Variants in SATB2 observed in about 807,000 individuals in gnomAD.
The protein encoded by SATB2 is DNA-binding protein SATB2.
A neutral mutation model predicts 73.4 loss-of-function variants in SATB2; 1 was observed. The observed-to-expected ratio is 0.01, with a 90% CI of 0.00 to 0.06. SATB2 has a LOEUF of 0.06. Among genes scored for constraint, SATB2 ranks in the 10% least tolerant of loss-of-function variants. The pLI is 1.00. For missense variants in SATB2, 459 were observed against 945.8 expected (o/e 0.49, Z 6.75); for synonymous variants, 397 against 367.0 (o/e 1.08, Z -0.93).
At chr2:199,448,431 G>C (rs1265166960) in intron 2 of SATB2, among the ~76,000 whole-genome samples, 1 of 151,968 alleles carries the variant, frequency 6.6e-6, no homozygotes, top group Non-Finnish European at 1.5e-5. Flanking sequence ...ATCACAATCA[G>C]TTATGAAAGA....
intron 3 of SATB2, among the ~76,000 whole-genome samples, chr2:199,425,421 T>C (rs1249576580): frequency 6.6e-6 from 1 of 152,202 alleles, no homozygotes; most frequent in Non-Finnish European, 1.5e-5. Context: ...GCTAAATACT[T>C]TCCTCATCAT....
upstream of SATB2, among the ~76,000 whole-genome samples, chr2:199,460,193 C>T (rs1692443445): frequency 6.6e-6 from 1 of 152,058 alleles, no homozygotes; most frequent in African/African-American, 2.4e-5. The surrounding 1 kb of genome is among the most constrained non-coding windows in gnomAD (Gnocchi z 4.0). Flanking sequence ...GGAGAAAATG[C>T]ACAGTTCGAA....
chr2:199,456,704 G>A (rs973987853), intron 1 of SATB2, among the ~76,000 whole-genome samples: 8 of 152,180 alleles, frequency 5.3e-5, no homozygotes, highest in African/African-American at 1.9e-4. Context: ...AAAACACTTG[G>A]AGGTATTTAT....
intron 6 of SATB2, among the ~76,000 whole-genome samples, chr2:199,360,932 T>A (rs1227811320): frequency 6.6e-6 from 1 of 152,012 alleles, no homozygotes; most frequent in Non-Finnish European, 1.5e-5. Flanking sequence ...ACTGCACCCT[T>A]GATAACACTT....
chr2:199,321,774 A>T (rs528965442), intron 9 of SATB2, among the ~76,000 whole-genome samples: 59 of 148,796 alleles, frequency 4.0e-4, no homozygotes, highest in Middle Eastern at 3.4e-3. Context: ...TATCATTTTT[A>T]AAAAAAAAAC....
chr2:199,466,150 C>T (rs892451954), upstream of SATB2, among the ~76,000 whole-genome samples: 4 of 152,188 alleles, frequency 2.6e-5, no homozygotes, highest in Admixed American at 2.6e-4. Flanking sequence ...GAGACAGACC[C>T]GGCCCTTTGC....
upstream of SATB2, among the ~76,000 whole-genome samples, chr2:199,461,448 C>T (rs1048663767): frequency 1.3e-5 from 2 of 151,962 alleles, no homozygotes; most frequent in African/African-American, 4.8e-5. Context: ...GTTTTGTATC[C>T]CTCAAAAGGT....
At chr2:199,273,729 T>A (rs1692228308) in intron 10 of SATB2, among the ~76,000 whole-genome samples, 1 of 152,192 alleles carries the variant, frequency 6.6e-6, no homozygotes, top group Non-Finnish European at 1.5e-5. Flanking sequence ...ATTTCTGGGT[T>A]TTTTTTCTCC....
intron 10 of SATB2, among the ~76,000 whole-genome samples, chr2:199,277,479 T>G (rs1692351895): frequency 6.6e-6 from 1 of 152,256 alleles, no homozygotes; most frequent in Non-Finnish European, 1.5e-5. Flanking sequence ...CTTTTTACTC[T>G]TGATCTTTGC....
At chr2:199,330,731 T>G (rs1412547241) in intron 7 of SATB2, among the ~76,000 whole-genome samples, 1 of 152,220 alleles carries the variant, frequency 6.6e-6, no homozygotes, top group African/African-American at 2.4e-5. Context: ...GAATTTGTTT[T>G]GAAGATAAAA....
chr2:199,345,425 C>T, intron 7 of SATB2, among the ~76,000 whole-genome samples: 1 of 126,958 alleles, frequency 7.9e-6, no homozygotes, highest in Non-Finnish European at 1.6e-5. Flanking sequence ...CTCCCCCCTC[C>T]CCCCACAAAC....
intron 10 of SATB2, among the ~76,000 whole-genome samples, chr2:199,284,440 A>G (rs1249478411): frequency 6.6e-6 from 1 of 152,176 alleles, no homozygotes; most frequent in East Asian, 1.9e-4. Context: ...TCTAGTATCA[A>G]AGAAGAATAT....
In SATB2 at chr2:199,433,390, C is replaced by A; in HGVS notation, c.294G>T (p.Glu98Asp). Residue 98 changes from glutamate (E) to aspartate (D), a missense_variant, in exon 3 of 11, where the codon GAG becomes GAT. Physicochemically the swap from Glu to Asp is conservative, Grantham distance 45. Around this residue, in one of 13 missense-constraint regions of SATB2, gnomAD observed 56 missense variants for 183.7 expected, o/e 0.30. Transcript: ENST00000417098. ...AATACCCCAGGGCCAGGAGCGCAGT[C>A]TCCACCAGCTGGCTAAAAAGCACAT... ...RKDVLFSQLV[E>D]TALLALGYSH... is the part of the protein sequence containing the mutation. 1.2e-6 allele frequency: 2 copies of A among 1,614,226 alleles called. No homozygotes were observed. The highest frequency in any genetic ancestry group is 1.7e-6 in the Non-Finnish European group (2 of 1,180,042).
intron 10 of SATB2, among the ~76,000 whole-genome samples, chr2:199,284,163 A>C (rs575184698): frequency 1.3e-5 from 2 of 152,228 alleles, no homozygotes; most frequent in South Asian, 2.1e-4. Context: ...ATAGTTTCCC[A>C]ATACTTAACT....
chr2:199,333,389 G>A (rs1249665148), intron 7 of SATB2, among the ~76,000 whole-genome samples: 2 of 152,030 alleles, frequency 1.3e-5, no homozygotes, highest in Non-Finnish European at 2.9e-5. Flanking sequence ...ATTATCAACT[G>A]CAGGATTCAG....
chr2:199,428,038 A>G (rs1053008126), intron 3 of SATB2, among the ~76,000 whole-genome samples: 2 of 152,114 alleles, frequency 1.3e-5, no homozygotes, highest in South Asian at 2.1e-4. Flanking sequence ...TGCTTTCTAC[A>G]TAACAATGCC....
At chr2:199,437,467 G>A (rs766723084) in intron 2 of SATB2, among the ~76,000 whole-genome samples, 5 of 152,276 alleles carry the variant, frequency 3.3e-5, no homozygotes, top group East Asian at 1.9e-4. Context: ...TTTATAAAGC[G>A]TTAACCATTG....
intron 7 of SATB2, among the ~76,000 whole-genome samples, chr2:199,330,116 A>G (rs573521006): frequency 6.6e-6 from 1 of 152,304 alleles, no homozygotes; most frequent in South Asian, 2.1e-4. Flanking sequence ...TGCAAAGGAA[A>G]CACTATCAGA....
chr2:199,272,086 A>T lies in SATB2; in HGVS notation c.*125T>A. On this transcript the variant is annotated 3_prime_UTR_variant, in exon 11 of 11. Transcript: ENST00000417098. The surrounding 1 kb of genome is among the most constrained non-coding windows in gnomAD (Gnocchi z 6.7). ...TAAGAAAAACAAAACAGACATAAAAAGACAAAAATAAAGCCAAAAAAACCC... is the reference window on the plus strand; with the variant it reads ...TAAGAAAAACAAAACAGACATAAAATGACAAAAATAAAGCCAAAAAAACCC... 1.1e-6 allele frequency: 1 copy of T among 906,222 alleles called. No individual in the cohort carries two copies. The highest frequency in any genetic ancestry group is 1.6e-5 in the African/African-American group (1 of 60,916). The allele number at this position is 906,222 out of a possible 1,614,324, so 56.1% of individuals were successfully genotyped here. A position where few individuals can be genotyped will look rare whatever the true frequency, so the allele number is the denominator to read the frequency against.
Sources: allele counts gnomAD v4.1 joint callset (sites outside exome capture counted in the v4.1 genomes callset), GRCh38; gene constraint gnomAD v4.1.1; regional missense constraint gnomAD v4.1.1; non-coding constraint Gnocchi (gnomAD v3.1); transcripts MANE v1.5; gene names NCBI Gene and HGNC (gene_info 2026-07-23, HGNC 2026-07-21).